The following DYNC2LI1 variants were observed in gnomAD, a reference collection of about 807,000 sequenced individuals.
DYNC2LI1 encodes the protein dynein cytoplasmic 2 light intermediate chain 1.
A neutral mutation model predicts 51.9 loss-of-function variants in DYNC2LI1; 45 were observed. That is an observed-to-expected ratio of 0.87 (90% CI 0.68 to 1.11). The LOEUF (loss-of-function observed/expected upper bound fraction) is 1.11, where lower values mean the gene tolerates loss of function less well. Among genes scored for constraint, DYNC2LI1 ranks in the 50% most tolerant of loss-of-function variants. DYNC2LI1 has a pLI of 0.00. For missense variants in DYNC2LI1, 490 were observed against 417.4 expected, an observed-to-expected ratio of 1.17 and a Z score of -1.51; for synonymous variants, 130 against 137.8, an observed-to-expected ratio of 0.94 and a Z score of 0.40.
At chr2:43,793,030 C>G (rs932873890) in intron 5 of DYNC2LI1, 2 of 331,230 alleles carry the variant, frequency 6.0e-6, no homozygotes, top group Admixed American at 5.0e-5. Flanking sequence ...AGTGGAATTG[C>G]TGGATCATCT....
intron 5 of DYNC2LI1, among the ~76,000 whole-genome samples, chr2:43,790,036 G>C (rs1007724967): frequency 1.2e-4 from 18 of 152,278 alleles, no homozygotes; most frequent in Admixed American, 1.0e-3. Flanking sequence ...AATTTGAAAA[G>C]CCTAATTCTT....
chr2:43,795,132 G>A (rs1322355405), intron 6 of DYNC2LI1: 1 of 992,946 alleles, frequency 1.0e-6, no homozygotes, highest in Non-Finnish European at 1.2e-6. Context: ...TGCTATGATG[G>A]TAACACAAGT....
At position 43,796,701 on chromosome 2, in the gene DYNC2LI1, A is replaced by C. The variant is rs1298539121; in HGVS notation, c.577-17A>C. On this transcript the variant is annotated splice_polypyrimidine_tract_variant and intron_variant, in intron 7 of 12. Coordinates refer to ENST00000260605, the MANE Select transcript of DYNC2LI1 (RefSeq NM_016008.4). Reference sequence around the variant, plus strand: ...TATTTGGTTATCTTGACTTTTTAAAATAACATATTTCTACAGGATTTTGAG... The same window carrying C: ...TATTTGGTTATCTTGACTTTTTAAACTAACATATTTCTACAGGATTTTGAG... 1 of 1,587,656 alleles carries C rather than the reference A, an allele frequency of 6.3e-7. No individual in the cohort carries two copies. The highest frequency in any genetic ancestry group is 8.6e-7 in the Non-Finnish European group (1 of 1,157,014).
At chr2:43,800,486 A>G (rs1666036846) in intron 8 of DYNC2LI1, among the ~76,000 whole-genome samples, 1 of 152,162 alleles carries the variant, frequency 6.6e-6, no homozygotes, top group Non-Finnish European at 1.5e-5. Context: ...ATTTTCTTTT[A>G]GACCATAATG....
the DYNC2LI1 span, among the ~76,000 whole-genome samples, chr2:43,816,835 A>C: frequency 2.0e-5 from 3 of 152,254 alleles, no homozygotes; most frequent in African/African-American, 7.2e-5. Flanking sequence ...ATTTAACTCT[A>C]GGCTCTGATA....
chr2:43,776,926 G>A, intron 2 of DYNC2LI1, 27 bp downstream of exon 2: 5 of 1,171,724 alleles, frequency 4.3e-6, no homozygotes, highest in Non-Finnish European at 6.3e-6. Flanking sequence ...TTCAATTATT[G>A]TGATGATTTA....
chr2:43,783,603 T>A, intron 3 of DYNC2LI1, 49 bp downstream of exon 3: 1 of 1,255,482 alleles, frequency 8.0e-7, no homozygotes, highest in South Asian at 1.6e-5. Context: ...ATTCTAGTTG[T>A]ATAGGGCAAG....
At chr2:43,814,582 G>T, downstream of DYNC2LI1, 2 of 1,578,326 alleles carry the variant, frequency 1.3e-6, no homozygotes, top group South Asian at 1.1e-5. Context: ...GGCATTTCTT[G>T]TATGTTTCTT....
chr2:43,822,480 C>A, the DYNC2LI1 span: 23 of 737,080 alleles, frequency 3.1e-5, 1 homozygote, highest in Non-Finnish European at 3.6e-5. Flanking sequence ...TCCCCCAGGC[C>A]CCCCCCCATG....
chr2:43,819,481 CT>C, the DYNC2LI1 span, among the ~76,000 whole-genome samples: 19,391 of 142,530 alleles, frequency 0.14, 2,443 homozygotes, highest in African/African-American at 0.34. Context: ...ATCCTGCAGG[CT>C]TTTTTTTTTT....
chr2:43,827,989 C>A, the DYNC2LI1 span: 1 of 1,614,008 alleles, frequency 6.2e-7, no homozygotes, highest in Non-Finnish European at 8.5e-7. Flanking sequence ...TTACTAGGAT[C>A]CTGGAGCAGC....
chr2:43,781,287 T>G (rs1422258305), intron 2 of DYNC2LI1, among the ~76,000 whole-genome samples: 1 of 151,746 alleles, frequency 6.6e-6, no homozygotes, highest in African/African-American at 2.4e-5. Flanking sequence ...AAGAATCACT[T>G]GAACCCAGAG....
chr2:43,796,764 T>G lies in DYNC2LI1; in HGVS notation c.623T>G (p.Phe208Cys), dbSNP rs1665869918. ...AAGGTAATATGCAAGACACTTCGAT[T>G]TGTTGCACATTATTATGGAGCATCA... ...KRKVICKTLR[F>C]VAHYYGASLM... The change falls in exon 8 of 13, where the codon TTT becomes TGT. Residue 208 changes from phenylalanine (F) to cysteine (C), a missense_variant. Phe to Cys is a radical substitution (Grantham distance 205). Coordinates refer to ENST00000260605, the MANE Select transcript of DYNC2LI1 (RefSeq NM_016008.4). 2 of 1,613,692 alleles carry G rather than the reference T, an allele frequency of 1.2e-6. No individual in the cohort carries two copies. The highest frequency in any genetic ancestry group is 8.5e-7 in the Non-Finnish European group (1 of 1,179,850).
At chr2:43,804,968 G>T (rs989816589) in intron 11 of DYNC2LI1, among the ~76,000 whole-genome samples, 186 bp from the exon 12 acceptor site, 1 of 152,108 alleles carries the variant, frequency 6.6e-6, no homozygotes, top group African/African-American at 2.4e-5. Context: ...GTTAGAGAAG[G>T]GAGAGACAAC....
the DYNC2LI1 span, among the ~76,000 whole-genome samples, chr2:43,819,714 C>T: frequency 6.6e-6 from 1 of 151,782 alleles, no homozygotes; most frequent in Admixed American, 6.6e-5. Flanking sequence ...TCCTGATTCC[C>T]GATAAAAAAG....
At position 43,804,732 on chromosome 2, in the gene DYNC2LI1, C is replaced by T; in HGVS notation, c.893C>T (p.Pro298Leu). The stretch of plus-strand genomic sequence containing the variant: ...AAAAAAGTGTATGAAAAGCTCTTTC[C>T]ACCAAAGGTACATATTTCTAATTTT... Reference protein sequence around the residue: ...LWKKVYEKLFPPKSINTLKDI... With the variant: ...LWKKVYEKLFLPKSINTLKDI... The change falls in exon 11 of 13, where the codon CCA (proline) becomes CTA (leucine). Residue 298 changes from proline (P) to leucine (L), a missense_variant. Pro to Leu is a moderately conservative substitution (Grantham distance 98). Transcript: ENST00000260605. 1.3e-6 allele frequency: 2 copies of T among 1,598,026 alleles called. No individual in the cohort carries two copies. Among genetic ancestry groups the T allele is most frequent in the African/African-American group, 2.7e-5 (2 of 74,172 alleles).
chr2:43,826,876 C>G, the DYNC2LI1 span, among the ~76,000 whole-genome samples: 1 of 152,108 alleles, frequency 6.6e-6, no homozygotes, highest in Non-Finnish European at 1.5e-5. Flanking sequence ...GAAGGCTGGT[C>G]AAAAAGACAA....
chr2:43,774,974 A>G (rs181613650), intron 1 of DYNC2LI1, among the ~76,000 whole-genome samples: 24 of 152,320 alleles, frequency 1.6e-4, no homozygotes, highest in Admixed American at 7.8e-4. Flanking sequence ...AAATAAATGC[A>G]TGAATTTTAG....
At chr2:43,826,282 G>T in the DYNC2LI1 span, 2 of 1,560,742 alleles carry the variant, frequency 1.3e-6, no homozygotes, top group Non-Finnish European at 1.7e-6. Flanking sequence ...TTACAAGTGT[G>T]AGCCACTGTG....
Sources: allele counts gnomAD v4.1 joint callset (sites outside exome capture counted in the v4.1 genomes callset), GRCh38; gene constraint gnomAD v4.1.1; transcripts MANE v1.5; gene names NCBI Gene and HGNC (gene_info 2026-07-23, HGNC 2026-07-21).